Variants in SIL1 observed in about 807,000 individuals in gnomAD.
SIL1 encodes the protein nucleotide exchange factor SIL1.
SIL1 carries 40 observed loss-of-function variants against 49.1 expected under a neutral mutation model. The observed-to-expected ratio is 0.81, with a 90% CI of 0.63 to 1.06. SIL1 has a LOEUF of 1.06. Ranked by LOEUF, SIL1 falls within the 50% of genes least tolerant of loss-of-function variation. The probability of loss-of-function intolerance (pLI) is 0.00; values close to 1 mark genes in which losing one functional copy is unlikely to be tolerated. For missense variants in SIL1, 500 were observed against 572.6 expected (o/e 0.87, Z 1.29); for synonymous variants, 253 against 250.8 (o/e 1.01, Z -0.08).
At chr5:139,066,750 C>T (rs148643516) in intron 3 of SIL1, among the ~76,000 whole-genome samples, 2 of 151,342 alleles carry the variant, frequency 1.3e-5, no homozygotes, top group South Asian at 2.1e-4. Flanking sequence ...CTGTTGCCCA[C>T]GCTGGGGTGC....
intron 3 of SIL1, among the ~76,000 whole-genome samples, chr5:139,058,514 T>A (rs960429017): frequency 6.6e-6 from 1 of 152,216 alleles, no homozygotes; most frequent in Non-Finnish European, 1.5e-5. Flanking sequence ...TTTACACATT[T>A]ATTAATTGGG....
rs548092376 is a variant in SIL1 at position 138,995,164 on chromosome 5, G to A, written c.767+26007C>T. Among the ~76,000 whole-genome samples the A allele has an allele frequency of 1.2e-3, 175 of 152,140 alleles. 1 individual carries two copies. Among genetic ancestry groups the A allele is most frequent in the African/African-American group, 3.9e-3 (162 of 41,478 alleles). On this transcript the variant is annotated intron_variant, in intron 7 of 9. Coordinates refer to ENST00000394817, the MANE Select transcript of SIL1 (RefSeq NM_022464.5). Reference sequence around the variant, plus strand: ...TGCTGTAATGAACATAGGCATGCATGGGATACATGTGCTATTTATTACATT... The same window carrying A: ...TGCTGTAATGAACATAGGCATGCATAGGATACATGTGCTATTTATTACATT...
rs1024750229 is a variant in SIL1 at position 138,974,351 on chromosome 5, C to T, written c.768-22467G>A. On this transcript the variant is annotated intron_variant, in intron 7 of 9. Transcript: ENST00000394817. ...TGCCTGTCACCACCTCTGTCCTCCCCCTTTGGGCCTGCTCTACAGCCTCCG... is the reference window on the plus strand; with the variant it reads ...TGCCTGTCACCACCTCTGTCCTCCCTCTTTGGGCCTGCTCTACAGCCTCCG... Among the ~76,000 whole-genome samples, 6 of 152,358 alleles carry T rather than the reference C, an allele frequency of 3.9e-5. No individual in the cohort carries two copies. In the South Asian group the frequency reaches 1.0e-3, roughly 26 times the overall value.
At chr5:139,132,902 T>A (rs1750893764) in intron 1 of SIL1, among the ~76,000 whole-genome samples, 1 of 152,152 alleles carries the variant, frequency 6.6e-6, no homozygotes, top group South Asian at 2.1e-4. Context: ...GCAGCAGCAG[T>A]GGCAAAAGCC....
At chr5:139,197,090 GA>G (rs763031362) in intron 1 of SIL1, among the ~76,000 whole-genome samples, 23 of 152,044 alleles carry the variant, frequency 1.5e-4, no homozygotes, top group Non-Finnish European at 5.9e-5. Flanking sequence ...TCAACATGGA[GA>G]AACCCTGTCT....
chr5:139,046,990 T>C (rs1255146479), intron 4 of SIL1, among the ~76,000 whole-genome samples: 1 of 152,218 alleles, frequency 6.6e-6, no homozygotes, highest in African/African-American at 2.4e-5. Flanking sequence ...TTTTGTTTAT[T>C]ACTGTATCCC....
At chr5:139,119,302 G>A (rs905754414) in intron 3 of SIL1, among the ~76,000 whole-genome samples, 2 of 152,174 alleles carry the variant, frequency 1.3e-5, no homozygotes, top group Admixed American at 1.3e-4. Context: ...AGAGGGTTGG[G>A]CAAGGGGCCA....
At chr5:138,952,819 G>A (rs561972164) in intron 7 of SIL1, among the ~76,000 whole-genome samples, 1 of 152,272 alleles carries the variant, frequency 6.6e-6, no homozygotes, top group Non-Finnish European at 1.5e-5. Context: ...TCAGGGCAGG[G>A]TGCCATGCAG....
At chr5:139,054,278 G>T (rs1263280910) in intron 3 of SIL1, among the ~76,000 whole-genome samples, 1 of 152,142 alleles carries the variant, frequency 6.6e-6, no homozygotes, top group African/African-American at 2.4e-5. Flanking sequence ...AGGCACAATG[G>T]CATGCTCCTA....
chr5:139,056,619 C>A (rs868432780), intron 3 of SIL1, among the ~76,000 whole-genome samples: 8 of 147,726 alleles, frequency 5.4e-5, no homozygotes, highest in Admixed American at 5.3e-4. Flanking sequence ...CCCCGCCCGG[C>A]CAGCCGCCCC....
intron 3 of SIL1, among the ~76,000 whole-genome samples, chr5:139,070,329 G>A (rs1769803971): frequency 6.6e-6 from 1 of 152,034 alleles, no homozygotes; most frequent in Middle Eastern, 3.4e-3. Context: ...AGAGGCAGAT[G>A]TAATATCGAA....
intron 7 of SIL1, among the ~76,000 whole-genome samples, chr5:138,952,606 T>TGAAC (rs1182648020): frequency 2.6e-5 from 4 of 152,342 alleles, no homozygotes; most frequent in South Asian, 4.1e-4. Flanking sequence ...AATGAACGAC[T>TGAAC]GAACGAACGA....
chr5:139,163,436 C>G (rs4535447), intron 1 of SIL1, among the ~76,000 whole-genome samples: 22,419 of 151,894 alleles, frequency 0.15, 4,534 homozygotes, highest in African/African-American at 0.46. Flanking sequence ...GTGGCACCAT[C>G]TCGTCTCATT....
intron 1 of SIL1, among the ~76,000 whole-genome samples, chr5:139,155,906 C>G (rs983527280): frequency 1.3e-5 from 2 of 151,906 alleles, no homozygotes; most frequent in Non-Finnish European, 2.9e-5. Flanking sequence ...GATCTGGGCT[C>G]ACTGCAACCT....
At chr5:139,087,636 A>G (rs115958916) in intron 3 of SIL1, among the ~76,000 whole-genome samples, 1,525 of 152,238 alleles carry the variant, frequency 0.01, 31 homozygotes, top group African/African-American at 0.035. Flanking sequence ...GAGCAATCAT[A>G]CTGTTTTGAG....
chr5:138,993,095 G>A (rs571432614), intron 7 of SIL1, among the ~76,000 whole-genome samples: 52 of 152,276 alleles, frequency 3.4e-4, no homozygotes, highest in African/African-American at 1.2e-3. Context: ...CTCCTTTGCA[G>A]GGAGGTATGG....
At chr5:139,081,592 C>T (rs747310784) in intron 3 of SIL1, among the ~76,000 whole-genome samples, 2 of 152,178 alleles carry the variant, frequency 1.3e-5, no homozygotes, top group Non-Finnish European at 2.9e-5. Flanking sequence ...ACAAGAACCA[C>T]AGAAGACCAG....
intron 7 of SIL1, among the ~76,000 whole-genome samples, chr5:139,001,678 G>T (rs753316616): frequency 6.6e-6 from 1 of 152,188 alleles, no homozygotes; most frequent in Non-Finnish European, 1.5e-5. Flanking sequence ...AGGCCAAGGC[G>T]GGTGGAGCAA....
intron 7 of SIL1, among the ~76,000 whole-genome samples, chr5:139,003,494 G>A (rs903951373): frequency 3.3e-5 from 5 of 152,182 alleles, no homozygotes; most frequent in African/African-American, 1.2e-4. Context: ...TCCTTGAGCA[G>A]ATGTTTCTTT....
Sources: gnomAD v4.1 joint callset for allele counts (sites outside exome capture counted in the v4.1 genomes callset) on GRCh38, gnomAD v4.1.1 for gene constraint, MANE v1.5 for transcripts, NCBI Gene and HGNC (gene_info 2026-07-23, HGNC 2026-07-21) for gene names.